PDGFC: variants seen among roughly 807,000 people sequenced by gnomAD.
PDGFC encodes platelet-derived growth factor C.
A neutral mutation model predicts 35.5 loss-of-function variants in PDGFC; 12 were observed. The observed-to-expected ratio is 0.34, with a 90% CI of 0.22 to 0.55. The LOEUF is 0.55. PDGFC is among the 20% of genes least tolerant of loss of function. The pLI is 0.91. For missense variants in PDGFC, 322 were observed against 412.4 expected (o/e 0.78, Z 1.90); for synonymous variants, 159 against 148.8 (o/e 1.07, Z -0.50).
intron 1 of PDGFC, among the ~76,000 whole-genome samples, chr4:156,922,825 A>G (rs774528868): frequency 2.6e-5 from 4 of 152,084 alleles, no homozygotes; most frequent in Non-Finnish European, 4.4e-5. Flanking sequence ...AAGAAGAAAA[A>G]CAAAGAATGG....
intron 1 of PDGFC, among the ~76,000 whole-genome samples, chr4:156,878,560 T>C (rs1730169368): frequency 6.6e-6 from 1 of 152,162 alleles, no homozygotes; most frequent in Non-Finnish European, 1.5e-5. Context: ...ACCAGAAGTA[T>C]TTTAGATTTT....
chr4:156,764,446 G>A (rs190249326), intron 5 of PDGFC, among the ~76,000 whole-genome samples: 87 of 152,242 alleles, frequency 5.7e-4, no homozygotes, highest in Admixed American at 2.0e-3. Flanking sequence ...GTGAACAGAG[G>A]CTTAGACAGA....
chr4:156,894,960 G>A (rs755206072), intron 1 of PDGFC, among the ~76,000 whole-genome samples: 5 of 152,094 alleles, frequency 3.3e-5, no homozygotes, highest in Admixed American at 1.3e-4. Context: ...ATGCAAATGA[G>A]TATATAATTA....
chr4:156,880,128 C>G (rs1197222842), intron 1 of PDGFC, among the ~76,000 whole-genome samples: 3 of 152,090 alleles, frequency 2.0e-5, no homozygotes, highest in African/African-American at 7.2e-5. Flanking sequence ...CACTAAACAA[C>G]GGATCGTCGA....
intron 1 of PDGFC, among the ~76,000 whole-genome samples, chr4:156,964,650 A>G (rs767223155): frequency 6.6e-6 from 1 of 152,090 alleles, no homozygotes; most frequent in Non-Finnish European, 1.5e-5. Context: ...AAAGTATGTG[A>G]ATTTTGAAAC....
In PDGFC at chr4:156,783,989, T is replaced by C. The variant is rs561123584; in HGVS notation, c.496-11096A>G. ...GAATGCATTAACAGTGACATAACTA[T>C]GTAATACAGGCAAAATTGGTAAGAA... is the stretch of plus-strand genomic sequence containing the variant. On this transcript the variant is annotated intron_variant, in intron 3 of 5. Transcript: ENST00000502773. 5.5e-4 allele frequency among the ~76,000 whole-genome samples: 83 copies of C among 152,272 alleles called. 1 individual carries two copies. In the Middle Eastern group the frequency reaches 0.01, roughly 19 times the overall value.
At chr4:156,925,173 G>A (rs962756753) in intron 1 of PDGFC, among the ~76,000 whole-genome samples, 20 of 152,196 alleles carry the variant, frequency 1.3e-4, no homozygotes, top group Admixed American at 6.5e-4. Flanking sequence ...GGCCAAAACT[G>A]TATGGGCAAA....
intron 3 of PDGFC, among the ~76,000 whole-genome samples, chr4:156,776,555 C>T (rs561336548): frequency 6.6e-6 from 1 of 152,296 alleles, no homozygotes; most frequent in South Asian, 2.1e-4. Flanking sequence ...GTGGCCCTAG[C>T]CTAGACCCTT....
In PDGFC at chr4:156,772,774, T is replaced by TG; in HGVS notation, c.614dup (p.Glu206ArgfsTer12). ...CTTCTAAGTCCAACTGCCATCTCTC[T>TG]GGTTCAAGATATCGAATAAGGTCTT... On this transcript the variant is annotated frameshift_variant, in exon 4 of 6. Coordinates refer to ENST00000502773, the MANE Select transcript of PDGFC (RefSeq NM_016205.3). LOFTEE classifies it high-confidence loss of function. The TG allele has an allele frequency of 6.2e-7, 1 of 1,613,286 alleles. No homozygotes were observed. Among genetic ancestry groups the TG allele is most frequent in the Non-Finnish European group, 8.5e-7 (1 of 1,179,318 alleles).
At chr4:156,947,499 C>T (rs1731975583) in intron 1 of PDGFC, among the ~76,000 whole-genome samples, 1 of 151,946 alleles carries the variant, frequency 6.6e-6, no homozygotes, top group East Asian at 1.9e-4. Flanking sequence ...GACAGGACAA[C>T]AAGAAAAACT....
chr4:156,894,289 A>G (rs990704138), intron 1 of PDGFC, among the ~76,000 whole-genome samples: 1 of 152,188 alleles, frequency 6.6e-6, no homozygotes, highest in Non-Finnish European at 1.5e-5. Context: ...GTCTAAATAC[A>G]TAATGTAGGA....
chr4:156,816,332 G>C (rs1385860237), intron 2 of PDGFC, among the ~76,000 whole-genome samples: 1 of 152,160 alleles, frequency 6.6e-6, no homozygotes, highest in Non-Finnish European at 1.5e-5. Context: ...ATAAAATTAA[G>C]AAGATGACAA....
chr4:156,823,054 A>G (rs1732314895), intron 2 of PDGFC, among the ~76,000 whole-genome samples: 1 of 152,002 alleles, frequency 6.6e-6, no homozygotes, highest in Non-Finnish European at 1.5e-5. Flanking sequence ...ATTCTTAACC[A>G]TTACATGATA....
At chr4:156,826,174 A>ATTTTTTTTTTTTTTTTTTTTTTTTTTT (rs59421806) in intron 2 of PDGFC, among the ~76,000 whole-genome samples, 1 of 43,790 alleles carries the variant, frequency 2.3e-5, no homozygotes, top group Non-Finnish European at 4.1e-5. Flanking sequence ...TTTGAGTTGG[A>ATTTTTTTTTTTTTTTTTTTTTTTTTTT]TTTTTTTTTT....
intron 1 of PDGFC, among the ~76,000 whole-genome samples, chr4:156,859,274 T>C (rs1729653284): frequency 6.6e-6 from 1 of 152,046 alleles, no homozygotes; most frequent in Non-Finnish European, 1.5e-5. Flanking sequence ...CCATTTAGCA[T>C]TTTAGCTTCA....
intron 1 of PDGFC, among the ~76,000 whole-genome samples, chr4:156,914,159 C>T (rs1731104631): frequency 6.6e-6 from 1 of 152,094 alleles, no homozygotes; most frequent in Admixed American, 6.6e-5. Flanking sequence ...ATTAAATAGC[C>T]TAAGTGAATA....
At chr4:156,804,424 C>T (rs571391292) in intron 3 of PDGFC, among the ~76,000 whole-genome samples, 3 of 152,012 alleles carry the variant, frequency 2.0e-5, no homozygotes, top group South Asian at 4.1e-4. Flanking sequence ...TTTTATAACA[C>T]ATTTGAGAAA....
At chr4:156,922,376 G>A (rs111457909) in intron 1 of PDGFC, among the ~76,000 whole-genome samples, 43 of 152,252 alleles carry the variant, frequency 2.8e-4, no homozygotes, top group Middle Eastern at 3.4e-3. Flanking sequence ...ACTATAGCAG[G>A]CATTGAGAAT....
intron 1 of PDGFC, among the ~76,000 whole-genome samples, chr4:156,960,252 TTATA>T (rs202066963): frequency 8.8e-5 from 12 of 137,118 alleles, no homozygotes; most frequent in East Asian, 2.1e-4. Context: ...TATATAACTG[TTATA>T]TATATATATA....
Sources: allele counts gnomAD v4.1 joint callset (sites outside exome capture counted in the v4.1 genomes callset), GRCh38; gene constraint gnomAD v4.1.1; transcripts MANE v1.5; gene names NCBI Gene and HGNC (gene_info 2026-07-23, HGNC 2026-07-21).